CNKSR2: variants seen among roughly 807,000 people sequenced by gnomAD.
CNKSR2 encodes the protein CNK homolog protein 2.
A neutral mutation model predicts 84.4 loss-of-function variants in CNKSR2; 14 were observed. The observed-to-expected ratio is 0.17, with a 90% confidence interval of 0.11 to 0.26. CNKSR2 has a LOEUF of 0.26. CNKSR2 is among the 10% of genes least tolerant of loss of function. The probability of loss-of-function intolerance (pLI) is 1.00; values close to 1 mark genes in which losing one functional copy is unlikely to be tolerated. For synonymous variants in CNKSR2, 275 were observed against 277.9 expected, an observed-to-expected ratio of 0.99 and a Z score of 0.10; for missense variants, 485 against 771.2, an observed-to-expected ratio of 0.63 and a Z score of 4.40.
intron 9 of CNKSR2, among the ~76,000 whole-genome samples, chrX:21,523,421 G>A (rs1452815658): frequency 1.8e-5 from 2 of 110,921 alleles, no homozygotes; most frequent in African/African-American, 6.5e-5. Flanking sequence ...TTCATGTTTT[G>A]TCAATACCGG....
At position 21,614,716 on chromosome X, in the gene CNKSR2, G is replaced by C. The variant is rs182861090; in HGVS notation, c.2692+5099G>C. On this transcript the variant is annotated intron_variant, in intron 20 of 21. Coordinates refer to ENST00000379510, the MANE Select transcript of CNKSR2 (RefSeq NM_014927.5). Reference sequence around the variant, plus strand: ...TAATTCTGATACTGGTTATAGGTTAGATTTTTAATTACACCTCCATTTTTT... The same window carrying C: ...TAATTCTGATACTGGTTATAGGTTACATTTTTAATTACACCTCCATTTTTT... Among the ~76,000 whole-genome samples the C allele has an allele frequency of 1.0e-3, 116 of 111,809 alleles. 3 individuals carry two copies. Among genetic ancestry groups the C allele is most frequent in the African/African-American group, 3.5e-3 (109 of 30,802 alleles).
At chrX:21,585,563 G>GA (rs1308101663) in intron 13 of CNKSR2, among the ~76,000 whole-genome samples, 3 of 109,800 alleles carry the variant, frequency 2.7e-5, no homozygotes, top group South Asian at 3.8e-4. Flanking sequence ...CACTAGGGAG[G>GA]AAAAAAATGT....
At chrX:21,543,812 T>C (rs999545704) in intron 11 of CNKSR2, among the ~76,000 whole-genome samples, 2 of 111,799 alleles carry the variant, frequency 1.8e-5, no homozygotes, top group African/African-American at 6.5e-5. Flanking sequence ...GTTCTTTTTT[T>C]TCTTTTCTTT....
Position 21,413,055 on chromosome X carries a change from A to C in CNKSR2, c.65-13442A>C, listed in dbSNP as rs756685861. 7.2e-5 allele frequency among the ~76,000 whole-genome samples: 8 copies of C among 111,244 alleles called. No homozygotes were observed. The South Asian group carries it at 3.0e-3, about 42-fold the overall frequency. On this transcript the variant is annotated intron_variant, in intron 1 of 21. Coordinates refer to ENST00000379510, the MANE Select transcript of CNKSR2 (RefSeq NM_014927.5). ...TGAAACTCTTTACTCATTAAACAAC[A>C]ATCCCTATTATTCCTCCCCTCAGCC...
chrX:21,428,578 A>G (rs2090594756), intron 2 of CNKSR2: 1 of 111,869 alleles, frequency 8.9e-6, no homozygotes, highest in East Asian at 2.8e-4. Context: ...GCTATAATTT[A>G]GTATGCTTTA....
intron 20 of CNKSR2, among the ~76,000 whole-genome samples, chrX:21,621,685 C>T (rs2092602422): frequency 9.0e-6 from 1 of 110,986 alleles, no homozygotes; most frequent in African/African-American, 3.3e-5. Context: ...GCCCATATTA[C>T]AGTATCTTTA....
At chrX:21,400,922 A>AT (rs1000104532) in intron 1 of CNKSR2, among the ~76,000 whole-genome samples, 3 of 111,518 alleles carry the variant, frequency 2.7e-5, no homozygotes, top group African/African-American at 9.7e-5. Flanking sequence ...ACATTTTAAA[A>AT]TTTTATGTTT....
chrX:21,435,935 C>T (rs2090698362), intron 3 of CNKSR2, among the ~76,000 whole-genome samples: 1 of 111,037 alleles, frequency 9.0e-6, no homozygotes, highest in African/African-American at 3.3e-5. Context: ...TCATTGAAAA[C>T]CTTTTACATA....
Position 21,609,183 on chromosome X carries a change from G to A in CNKSR2, c.2258G>A (p.Ser753Asn). 8.3e-7 allele frequency: 1 copy of A among 1,210,440 alleles called. No individual in the cohort carries two copies. Among genetic ancestry groups the A allele is most frequent in the Non-Finnish European group, 1.1e-6 (1 of 894,221 alleles). Residue 753 changes from serine (S) to asparagine (N), a missense_variant, in exon 20 of 22, where the codon AGT becomes AAT. Ser to Asn is a conservative substitution (Grantham distance 46, BLOSUM62 1). Transcript: ENST00000379510. ...TTTCGCCAGGAAGTAACTGGGAGCA[G>A]TGCAGTGTCTCCCATTCGCAAGACA... Reference protein sequence around the residue: ...EEFRQEVTGSSAVSPIRKTAS... With the variant: ...EEFRQEVTGSNAVSPIRKTAS...
intron 6 of CNKSR2, chrX:21,493,966 T>G (rs1042174786): frequency 8.9e-6 from 1 of 111,881 alleles, no homozygotes; most frequent in African/African-American, 3.2e-5. Context: ...ACCCTATTGC[T>G]TTATGTCTAT....
chrX:21,590,746 G>A lies in CNKSR2; in HGVS notation c.1657+126G>A, dbSNP rs187745299. On this transcript the variant is annotated intron_variant, in intron 14 of 21. Transcript: ENST00000379510. ...TTAGAAGAGCACAACCCCCTTGTGC[G>A]AAAGCTGCCAGCTTCTTCTTCAGTG... 109 of 632,798 alleles carry A rather than the reference G, an allele frequency of 1.7e-4. No homozygotes were observed. In the African/African-American group the frequency reaches 1.7e-3, roughly 10 times the overall value. 52.1% of individuals were successfully genotyped at this position (632,798 alleles called of 1,213,427 possible). A position where few individuals can be genotyped will look rare whatever the true frequency, so the allele number is the denominator to read the frequency against.
rs1214946940 is a variant in CNKSR2, at chrX:21,606,878, C to T, written c.2144C>T (p.Ser715Leu). The change falls in exon 19 of 22, where the codon TCG becomes TTG. Residue 715 changes from serine (S) to leucine (L), a missense_variant and splice_region_variant. Around this residue, in one of 5 missense-constraint regions of CNKSR2, gnomAD observed 210 missense variants for 291.5 expected, o/e 0.72. Transcript: ENST00000379510. ...TATGATACATACCCACGACCTCCCT[C>T]GGTAAGTTAGCAACAAGAACATTAC... ...PPYDTYPRPPSMSCASPYVEA... is the reference protein window; with the variant it reads ...PPYDTYPRPPLMSCASPYVEA... 4.6e-6 allele frequency: 5 copies of T among 1,091,203 alleles called. No individual in the cohort carries two copies. Among genetic ancestry groups the T allele is most frequent in the Non-Finnish European group, 5.0e-6 (4 of 799,479 alleles). The allele number at this position is 1,091,203 out of a possible 1,213,427, so 89.9% of individuals were successfully genotyped here.
At chrX:21,418,038 A>G (rs1020236205) in intron 1 of CNKSR2, among the ~76,000 whole-genome samples, 4 of 110,688 alleles carry the variant, frequency 3.6e-5, no homozygotes, top group African/African-American at 1.3e-4. Context: ...CTCTGTTGAA[A>G]TGATTTAGTT....
At chrX:21,601,191 A>T in intron 17 of CNKSR2, 91 bp from the exon 18 acceptor site, 3 of 518,134 alleles carry the variant, frequency 5.8e-6, no homozygotes, top group Non-Finnish European at 9.5e-6. Flanking sequence ...TATTCCGTAT[A>T]TTCTTAGACA....
At chrX:21,539,289 G>T (rs1352214486) in intron 11 of CNKSR2, among the ~76,000 whole-genome samples, 1 of 110,734 alleles carries the variant, frequency 9.0e-6, no homozygotes, top group Admixed American at 9.6e-5. Flanking sequence ...GTCTATTGTT[G>T]AAGTTCTCAG....
chrX:21,396,303 T>C (rs1372029968), intron 1 of CNKSR2, among the ~76,000 whole-genome samples: 1 of 110,830 alleles, frequency 9.0e-6, no homozygotes, highest in Non-Finnish European at 1.9e-5. Context: ...TAAATTGATA[T>C]GGAGTATCTG....
intron 4 of CNKSR2, among the ~76,000 whole-genome samples, chrX:21,442,632 A>G (rs1420753285): frequency 2.7e-5 from 3 of 111,926 alleles, no homozygotes; most frequent in Non-Finnish European, 5.6e-5. Context: ...ATGATTCCAC[A>G]TTGGACAAAC....
At chrX:21,410,175 A>G (rs2090324891) in intron 1 of CNKSR2, among the ~76,000 whole-genome samples, 1 of 110,033 alleles carries the variant, frequency 9.1e-6, no homozygotes. Context: ...AATATTTTGG[A>G]GCTTGTTAGA....
chrX:21,498,181 G>A (rs1373986471), intron 7 of CNKSR2, among the ~76,000 whole-genome samples: 1 of 111,794 alleles, frequency 8.9e-6, no homozygotes, highest in Non-Finnish European at 1.9e-5. Flanking sequence ...AAACTCATGC[G>A]AGAAATAAAT....
Sources: allele counts gnomAD v4.1 joint callset (sites outside exome capture counted in the v4.1 genomes callset), GRCh38; gene constraint gnomAD v4.1.1; regional missense constraint gnomAD v4.1.1; transcripts MANE v1.5; gene names NCBI Gene and HGNC (gene_info 2026-07-23, HGNC 2026-07-21).